Variants in NRDE2 observed in about 807,000 individuals in gnomAD.
The protein encoded by NRDE2 is nuclear exosome regulator NRDE2.
Under a neutral mutation model 124.2 loss-of-function variants are expected in NRDE2, and 76 were observed. That is an observed-to-expected ratio of 0.61 (90% CI 0.51 to 0.74). The LOEUF is 0.74. NRDE2 is among the 30% of genes least tolerant of loss of function. The pLI, the probability that NRDE2 is intolerant of heterozygous loss-of-function variation, is 0.00. For missense variants in NRDE2, 1,314 were observed against 1,417.3 expected, an observed-to-expected ratio of 0.93 and a Z score of 1.17; for synonymous variants, 489 against 528.1, an observed-to-expected ratio of 0.93 and a Z score of 1.01.
intron 4 of NRDE2, among the ~76,000 whole-genome samples, chr14:90,306,721 A>C (rs914257875): frequency 6.6e-6 from 1 of 151,990 alleles, no homozygotes. Flanking sequence ...GAGGCAGGAG[A>C]ATCACTTGAA....
chr14:90,301,634 A>C, intron 6 of NRDE2: 2 of 445,652 alleles, frequency 4.5e-6, no homozygotes, highest in South Asian at 3.8e-5. Context: ...CATAAAAATA[A>C]GTCAAGAGGT....
At chr14:90,303,211 C>T in intron 5 of NRDE2, 86 bp from the exon 6 acceptor site, 1 of 1,264,730 alleles carries the variant, frequency 7.9e-7, no homozygotes, top group Non-Finnish European at 1.1e-6. Flanking sequence ...TTCTTACCAC[C>T]CCCTAGGGAC....
intron 8 of NRDE2, 148 bp from the exon 9 acceptor site, chr14:90,293,020 T>C: frequency 2.9e-6 from 2 of 694,824 alleles, no homozygotes; most frequent in Non-Finnish European, 4.9e-6. Flanking sequence ...CAGTGGCATT[T>C]AGGAACTCTT....
At position 90,285,638 on chromosome 14, in the gene NRDE2, A is replaced by AT. The variant is rs962643509; in HGVS notation, c.3297+715dup. Among the ~76,000 whole-genome samples the AT allele has an allele frequency of 8.7e-4, 130 of 148,628 alleles. 1 individual carries two copies. Among genetic ancestry groups the AT allele is most frequent in the Admixed American group, 5.4e-3 (80 of 14,902 alleles). ...TTTTAAAAATTACATTCTAGATTAC[A>AT]TTTTTTTTTTAAGAGACAAGGTCTC... On this transcript the variant is annotated intron_variant, in intron 12 of 13. Transcript: ENST00000354366.
chr14:90,321,549 TAAAAAAA>T lies in NRDE2; in HGVS notation c.65-3443_65-3437del, dbSNP rs1012195271. On this transcript the variant is annotated intron_variant, in intron 1 of 13. Coordinates refer to ENST00000354366, the MANE Select transcript of NRDE2 (RefSeq NM_017970.4). ...AACATAAGCAAGACCCCAGCTCTAT[TAAAAAAA>T]AAAAAAAAAAAAGAAAAGAAAAAAA... is the stretch of plus-strand genomic sequence containing the variant. 4.5e-4 allele frequency among the ~76,000 whole-genome samples: 49 copies of T among 108,808 alleles called. 1 individual carries two copies. Among genetic ancestry groups the T allele is most frequent in the African/African-American group, 1.3e-3 (38 of 29,630 alleles). The allele number at this position is 108,808 out of a possible 152,430, so 71.4% of individuals were successfully genotyped here.
chr14:90,287,917 C>T (rs1463449197), intron 11 of NRDE2, among the ~76,000 whole-genome samples: 6 of 152,272 alleles, frequency 3.9e-5, no homozygotes, highest in Admixed American at 2.6e-4. Flanking sequence ...GCTTTCGTGA[C>T]GGCTTCTCAG....
At position 90,270,384 on chromosome 14, in the gene NRDE2, G is replaced by A; in HGVS notation, c.*7952C>T. On this transcript the variant is annotated 3_prime_UTR_variant, in exon 14 of 14. Transcript: ENST00000354366. ...GCCTAGCCGTGTCAGCTTATTTCTG[G>A]GAATGTGGCCGTCAATCAGGAAAGA... is the stretch of plus-strand genomic sequence containing the variant. 1 of 1,598,940 alleles carries A rather than the reference G, an allele frequency of 6.3e-7. No individual in the cohort carries two copies. The highest frequency in any genetic ancestry group is 8.5e-7 in the Non-Finnish European group (1 of 1,172,802).
In NRDE2 at chr14:90,269,026, A is replaced by G. The variant is rs932014503; in HGVS notation, c.*9310T>C. On this transcript the variant is annotated 3_prime_UTR_variant, in exon 14 of 14. Transcript: ENST00000354366. Reference sequence around the variant, plus strand: ...ATGCTCAGGGGACAAACAAAAGAGCAAAAAGGGCCTACACTAGTTCCCTGC... The same window carrying G: ...ATGCTCAGGGGACAAACAAAAGAGCGAAAAGGGCCTACACTAGTTCCCTGC... 1 of 167,098 alleles carries G rather than the reference A, an allele frequency of 6.0e-6. No homozygotes were observed. Among genetic ancestry groups the G allele is most frequent in the Non-Finnish European group, 1.3e-5 (1 of 78,062 alleles). The allele number at this position is 167,098 out of a possible 1,614,324, so 10.4% of individuals were successfully genotyped here. A position where few individuals can be genotyped will look rare whatever the true frequency, so the allele number is the denominator to read the frequency against.
At position 90,304,245 on chromosome 14, in the gene NRDE2, A is replaced by G. The variant is rs1884517504; in HGVS notation, c.695T>C (p.Met232Thr). 6.2e-7 allele frequency: 1 copy of G among 1,614,166 alleles called. No homozygotes were observed. Among genetic ancestry groups the G allele is most frequent in the South Asian group, 1.1e-5 (1 of 91,078 alleles). The change falls in exon 5 of 14, where the codon ATG becomes ACG. Residue 232 changes from methionine (M) to threonine (T), a missense_variant. Physicochemically the swap from Met to Thr is moderately conservative, Grantham distance 81 (BLOSUM62 -1). Coordinates refer to ENST00000354366, the MANE Select transcript of NRDE2 (RefSeq NM_017970.4). Reference protein sequence around the residue: ...RYFTKKSVGLMNIDGVAISSK... With the variant: ...RYFTKKSVGLTNIDGVAISSK... ...GCTAATGGCAACTCCATCGATGTTC[A>G]TTAATCCCACACTCTTCTTAGTAAA...
At position 90,272,500 on chromosome 14, in the gene NRDE2, C is replaced by G. The variant is rs1338909368; in HGVS notation, c.*5836G>C. 2.4e-6 allele frequency: 2 copies of G among 840,632 alleles called. No individual in the cohort carries two copies. Among genetic ancestry groups the G allele is most frequent in the South Asian group, 1.9e-5 (1 of 53,244 alleles). 52.1% of individuals were successfully genotyped at this position (840,632 alleles called of 1,614,324 possible). A position where few individuals can be genotyped will look rare whatever the true frequency, so the allele number is the denominator to read the frequency against. The stretch of plus-strand genomic sequence containing the variant: ...GGAGTTGCCCAGAGGAATCCCTGTT[C>G]CCACTGATTTTTATTAGCAAAACAT... On this transcript the variant is annotated 3_prime_UTR_variant, in exon 14 of 14. Transcript: ENST00000354366. This position sits in a 1 kb window ranked among gnomAD's most constrained non-coding sequence, Gnocchi z 4.5.
Position 90,273,398 on chromosome 14 carries a change from A to AAAT in NRDE2, c.*4935_*4937dup, listed in dbSNP as rs1010320639. 2.0e-5 allele frequency: 3 copies of AAAT among 151,896 alleles called. No individual in the cohort carries two copies. Among genetic ancestry groups the AAAT allele is most frequent in the African/African-American group, 4.8e-5 (2 of 41,390 alleles). The allele number at this position is 151,896 out of a possible 1,614,324, so 9.4% of individuals were successfully genotyped here. A position where few individuals can be genotyped will look rare whatever the true frequency, so the allele number is the denominator to read the frequency against. ...CATGGTGAAACCCCATCTTTACTAAAAATACAAAAATTAGCTGTGCGTGGT... is the reference window on the plus strand; with the variant it reads ...CATGGTGAAACCCCATCTTTACTAAAAATAATACAAAAATTAGCTGTGCGTGGT... On this transcript the variant is annotated 3_prime_UTR_variant, in exon 14 of 14. Coordinates refer to ENST00000354366, the MANE Select transcript of NRDE2 (RefSeq NM_017970.4).
At chr14:90,298,552 T>C (rs1343769594) in intron 7 of NRDE2, among the ~76,000 whole-genome samples, 172 bp from the exon 8 acceptor site, 1 of 152,172 alleles carries the variant, frequency 6.6e-6, no homozygotes, top group Non-Finnish European at 1.5e-5. Flanking sequence ...AAAAGATCTA[T>C]CTAGCGTGGC....
rs1397681714 is a variant in NRDE2 at position 90,274,180 on chromosome 14, AT to A, written c.*4155del. 19 of 155,058 alleles carry A rather than the reference AT, an allele frequency of 1.2e-4. No homozygotes were observed. In the Middle Eastern group the frequency reaches 1.6e-3, roughly 13 times the overall value. The allele number at this position is 155,058 out of a possible 1,614,324, so 9.6% of individuals were successfully genotyped here. ...GCCCAAGTAGGGTGTGGAGCTGTCC[AT>A]GTGGAGGAACACCACAGCACGGGGA... is the stretch of plus-strand genomic sequence containing the variant. On this transcript the variant is annotated 3_prime_UTR_variant, in exon 14 of 14. Transcript: ENST00000354366.
rs1254856185 is a variant in NRDE2, at chr14:90,272,131, C to G, written c.*6205G>C. ...CTGGTCTTGAACTCCTGACCTTAGG[C>G]GATCCACCTGCCTCGGCCTCCCAGA... On this transcript the variant is annotated 3_prime_UTR_variant, in exon 14 of 14. Transcript: ENST00000354366. The surrounding 1 kb of genome is among the most constrained non-coding windows in gnomAD (Gnocchi z 4.5). 1 of 790,586 alleles carries G rather than the reference C, an allele frequency of 1.3e-6. No homozygotes were observed. The highest frequency in any genetic ancestry group is 1.8e-5 in the African/African-American group (1 of 55,204). 49.0% of individuals were successfully genotyped at this position (790,586 alleles called of 1,614,324 possible).
chr14:90,322,756 T>A (rs1484238153), intron 1 of NRDE2, among the ~76,000 whole-genome samples: 2 of 152,232 alleles, frequency 1.3e-5, no homozygotes, highest in Admixed American at 6.5e-5. Context: ...ACTTGCATTG[T>A]TAAATTCAAT....
chr14:90,317,796 CACTA>C (rs1254406549), intron 2 of NRDE2: 12 of 442,688 alleles, frequency 2.7e-5, no homozygotes, highest in Admixed American at 1.6e-4. Context: ...TAATTACAGG[CACTA>C]ACTGTGTCAT....
chr14:90,317,769 C>G (rs1028552037), intron 2 of NRDE2: 1 of 377,372 alleles, frequency 2.6e-6, no homozygotes, highest in Non-Finnish European at 4.7e-6. Context: ...CACAATGATG[C>G]CATTTCCCTC....
intron 7 of NRDE2, among the ~76,000 whole-genome samples, chr14:90,299,171 C>T (rs192423290): frequency 6.6e-6 from 1 of 152,188 alleles, no homozygotes; most frequent in East Asian, 1.9e-4. Flanking sequence ...CTCAGCCTCC[C>T]GAGTAGCTGG....
chr14:90,319,071 T>C (rs1057259241), intron 1 of NRDE2, among the ~76,000 whole-genome samples: 7 of 152,190 alleles, frequency 4.6e-5, no homozygotes, highest in Non-Finnish European at 1.0e-4. Context: ...TCTTTCTGCT[T>C]ACCCCTAATT....
Sources: allele counts gnomAD v4.1 joint callset (sites outside exome capture counted in the v4.1 genomes callset), GRCh38; gene constraint gnomAD v4.1.1; non-coding constraint Gnocchi (gnomAD v3.1); transcripts MANE v1.5; gene names NCBI Gene and HGNC (gene_info 2026-07-23, HGNC 2026-07-21).